The following RIMS2 variants were observed in gnomAD, a reference collection of about 807,000 sequenced individuals.
RIMS2 encodes the protein regulating synaptic membrane exocytosis protein 2.
RIMS2 carries 59 observed loss-of-function variants against 174.4 expected under a neutral mutation model. That is an observed-to-expected ratio of 0.34 (90% CI 0.27 to 0.42). The LOEUF (loss-of-function observed/expected upper bound fraction) is 0.42. Among genes scored for constraint, RIMS2 ranks in the 10% least tolerant of loss-of-function variants. The pLI, the probability that RIMS2 is intolerant of heterozygous loss-of-function variation, is 1.00. For missense variants in RIMS2, 1,620 were observed against 1,666.3 expected, an observed-to-expected ratio of 0.97 and a Z score of 0.48; for synonymous variants, 606 against 572.5, an observed-to-expected ratio of 1.06 and a Z score of -0.84.
chr8:103,543,748 G>A (rs1234967919), intron 1 of RIMS2, among the ~76,000 whole-genome samples: 1 of 152,154 alleles, frequency 6.6e-6, no homozygotes, highest in Non-Finnish European at 1.5e-5. Context: ...AATGGGCAAA[G>A]GGCAATCTCT....
chr8:104,070,972 A>G (rs147462765), intron 19 of RIMS2, among the ~76,000 whole-genome samples: 16 of 152,244 alleles, frequency 1.1e-4, no homozygotes, highest in East Asian at 9.7e-4. Flanking sequence ...TACCCATTAC[A>G]TGTGGGCTAT....
intron 1 of RIMS2, among the ~76,000 whole-genome samples, chr8:103,519,030 A>G (rs1176916127): frequency 6.6e-6 from 1 of 151,930 alleles, no homozygotes; most frequent in Non-Finnish European, 1.5e-5. Context: ...CCCCTCTCCA[A>G]CTTGTTTTTC....
At chr8:103,859,030 A>G (rs528143924) in intron 3 of RIMS2, among the ~76,000 whole-genome samples, 60 of 152,292 alleles carry the variant, frequency 3.9e-4, no homozygotes, top group Non-Finnish European at 7.5e-4. Flanking sequence ...AAATACTACA[A>G]GATAGATCAT....
chr8:103,644,378 C>CTT (rs36063436), intron 1 of RIMS2, among the ~76,000 whole-genome samples: 1 of 151,726 alleles, frequency 6.6e-6, no homozygotes, highest in Non-Finnish European at 1.5e-5. Context: ...TTCAGTTCAG[C>CTT]TTTTTTTCTC....
chr8:104,096,341 T>C (rs887741695), intron 19 of RIMS2, among the ~76,000 whole-genome samples: 1 of 152,050 alleles, frequency 6.6e-6, no homozygotes, highest in African/African-American at 2.4e-5. Context: ...TAACCTTAAG[T>C]TTCTGGTTTT....
At chr8:104,169,966 A>G (rs1261608739) in intron 19 of RIMS2, among the ~76,000 whole-genome samples, 1 of 152,044 alleles carries the variant, frequency 6.6e-6, no homozygotes, top group East Asian at 1.9e-4. Context: ...ATGTATTTGT[A>G]TAGTTTTGAG....
chr8:104,060,224 ATT>A (rs2096956681), intron 19 of RIMS2, among the ~76,000 whole-genome samples: 1 of 150,468 alleles, frequency 6.6e-6, no homozygotes, highest in South Asian at 2.1e-4. Flanking sequence ...TTGGTAAGCT[ATT>A]GATTATTGCC....
rs573593665 is a variant in RIMS2 at position 103,780,010 on chromosome 8, T to C, written c.698+13473T>C. The stretch of plus-strand genomic sequence containing the variant: ...TGTGTCTGTTTTTATGCCAGTACCA[T>C]ACTGATTTGGTTACCATAGCTTTGT... On this transcript the variant is annotated intron_variant, in intron 3 of 23. Coordinates refer to ENST00000504942, the Ensembl canonical transcript of RIMS2. 2.0e-5 allele frequency among the ~76,000 whole-genome samples: 3 copies of C among 152,280 alleles called. No individual in the cohort carries two copies. The East Asian group carries it at 5.8e-4, about 29-fold the overall frequency.
intron 3 of RIMS2, among the ~76,000 whole-genome samples, chr8:103,814,311 T>A (rs550815160): frequency 6.7e-6 from 1 of 150,288 alleles, no homozygotes; most frequent in East Asian, 2.0e-4. Flanking sequence ...ATGCGTGATA[T>A]CTGGATGATG....
At chr8:103,643,616 G>T (rs1456379010) in intron 1 of RIMS2, among the ~76,000 whole-genome samples, 1 of 151,998 alleles carries the variant, frequency 6.6e-6, no homozygotes, top group African/African-American at 2.4e-5. Flanking sequence ...TATTGTCCTT[G>T]TGTTTATCTT....
At chr8:103,938,298 C>T (rs2081731890) in intron 13 of RIMS2, among the ~76,000 whole-genome samples, 1 of 152,070 alleles carries the variant, frequency 6.6e-6, no homozygotes, top group East Asian at 1.9e-4. Flanking sequence ...TTACAGTTCA[C>T]ATGGCAGAAG....
At chr8:103,880,206 T>A (rs1173942587) in intron 3 of RIMS2, among the ~76,000 whole-genome samples, 2 of 151,650 alleles carry the variant, frequency 1.3e-5, no homozygotes, top group Non-Finnish European at 3.0e-5. Context: ...CATAGTTATT[T>A]TAGAAATACT....
At chr8:103,859,579 G>A (rs1359705925) in intron 3 of RIMS2, among the ~76,000 whole-genome samples, 2 of 151,988 alleles carry the variant, frequency 1.3e-5, no homozygotes, top group African/African-American at 2.4e-5. Flanking sequence ...AAGAGGGTAG[G>A]TGGATGGGTG....
At chr8:103,606,250 C>T (rs560197625) in intron 1 of RIMS2, among the ~76,000 whole-genome samples, 1 of 146,980 alleles carries the variant, frequency 6.8e-6, no homozygotes, top group Non-Finnish European at 1.5e-5. Context: ...GCCTTCATTT[C>T]GTTATGTACC....
intron 1 of RIMS2, among the ~76,000 whole-genome samples, chr8:103,536,850 A>G (rs1484756619): frequency 1.3e-5 from 2 of 152,234 alleles, no homozygotes; most frequent in African/African-American, 2.4e-5. Flanking sequence ...GATCCAAAAC[A>G]TATCAGTCAC....
intron 2 of RIMS2, among the ~76,000 whole-genome samples, chr8:103,763,112 A>C (rs564322550): frequency 6.6e-6 from 1 of 152,196 alleles, no homozygotes; most frequent in African/African-American, 2.4e-5. Context: ...GTAGAAGAAG[A>C]AAAGAAAGGT....
chr8:104,035,532 T>A (rs1222705483), intron 19 of RIMS2, among the ~76,000 whole-genome samples: 1 of 151,816 alleles, frequency 6.6e-6, no homozygotes, highest in African/African-American at 2.4e-5. Flanking sequence ...TAATTTTACC[T>A]TTGGAATTAT....
In RIMS2 at chr8:103,813,380, G is replaced by C. The variant is rs79254713; in HGVS notation, c.698+46843G>C. 5.6e-3 allele frequency among the ~76,000 whole-genome samples: 742 copies of C among 133,340 alleles called. 4 individuals are homozygous for C. Among genetic ancestry groups the C allele is most frequent in the African/African-American group, 0.02 (717 of 35,598 alleles). 87.5% of individuals were successfully genotyped at this position (133,340 alleles called of 152,430 possible). Reference sequence around the variant, plus strand: ...AACCAAGGTTCTTAAATAATTTTAAGAATTTACACTTCTTTCTTTCTTTCT... The same window carrying C: ...AACCAAGGTTCTTAAATAATTTTAACAATTTACACTTCTTTCTTTCTTTCT... On this transcript the variant is annotated intron_variant, in intron 3 of 23. Transcript: ENST00000504942.
chr8:103,702,965 T>C (rs1229915347), intron 2 of RIMS2, among the ~76,000 whole-genome samples: 4 of 148,408 alleles, frequency 2.7e-5, no homozygotes, highest in Non-Finnish European at 4.5e-5. Flanking sequence ...AGGAATGTTG[T>C]TGGGTGTTTT....
Sources: gnomAD v4.1 joint callset for allele counts (sites outside exome capture counted in the v4.1 genomes callset) on GRCh38, gnomAD v4.1.1 for gene constraint, MANE v1.5 for transcripts, NCBI Gene and HGNC (gene_info 2026-07-23, HGNC 2026-07-21) for gene names.